The following DNAH7 variants were observed in gnomAD, a reference collection of about 807,000 sequenced individuals.
The protein encoded by DNAH7 is axonemal beta dynein heavy chain 7.
In DNAH7, 397 loss-of-function variants were observed where a neutral mutation model predicts 444.6. That is an observed-to-expected ratio of 0.89 (90% CI 0.82 to 0.97). DNAH7 has a LOEUF of 0.97. DNAH7 is among the 50% of genes least tolerant of loss of function. DNAH7 has a pLI of 0.00. For synonymous variants in DNAH7, 1,636 were observed against 1,624.4 expected (o/e 1.01, Z -0.17); for missense variants, 4,902 against 4,800.8 (o/e 1.02, Z -0.62).
Position 195,809,876 on chromosome 2 carries a change from G to T in DNAH7, c.9762-5C>A. The T allele has an allele frequency of 6.5e-7, 1 of 1,529,744 alleles. No individual in the cohort carries two copies. The highest frequency in any genetic ancestry group is 1.3e-5 in the South Asian group (1 of 75,458). The allele number at this position is 1,529,744 out of a possible 1,614,324, so 94.8% of individuals were successfully genotyped here. A position where few individuals can be genotyped will look rare whatever the true frequency, so the allele number is the denominator to read the frequency against. Reference sequence around the variant, plus strand: ...TGATCCTTGAGAATCTGAAGCCTAAGGGTCAACAGAAAATAAAGGAAATAA... The same window carrying T: ...TGATCCTTGAGAATCTGAAGCCTAATGGTCAACAGAAAATAAAGGAAATAA... On this transcript the variant is annotated splice_region_variant and splice_polypyrimidine_tract_variant and intron_variant, in intron 51 of 64. Coordinates refer to ENST00000312428, the MANE Select transcript of DNAH7 (RefSeq NM_018897.3).
intron 17 of DNAH7, among the ~76,000 whole-genome samples, chr2:195,968,373 G>A (rs1691622041): frequency 6.6e-6 from 1 of 152,166 alleles, no homozygotes; most frequent in Admixed American, 6.5e-5. Context: ...CTTCAAGGCA[G>A]TGGGTTCTCT....
In DNAH7 at chr2:195,960,418, C is replaced by A; in HGVS notation, c.2733G>T (p.Glu911Asp). 6.2e-7 allele frequency: 1 copy of A among 1,614,194 alleles called. No individual in the cohort carries two copies. Among genetic ancestry groups the A allele is most frequent in the Non-Finnish European group, 8.5e-7 (1 of 1,180,030 alleles). The change falls in exon 18 of 65, where the codon GAG becomes GAT. Residue 911 changes from glutamate (E) to aspartate (D), a missense_variant. Coordinates refer to ENST00000312428, the MANE Select transcript of DNAH7 (RefSeq NM_018897.3). ...GGATGACAAATTCCACTGCATCCCA[C>A]TCAGTAATCATCTTCTCCATCGCCT... ...LEKAMEKMIT[E>D]WDAVEFVIHS... is the part of the protein sequence containing the mutation.
chr2:195,811,100 T>A (rs1696948791), intron 51 of DNAH7, among the ~76,000 whole-genome samples: 1 of 152,188 alleles, frequency 6.6e-6, no homozygotes, highest in African/African-American at 2.4e-5. Flanking sequence ...CCTTTTAAGG[T>A]GAAAAAGAAG....
chr2:196,068,596 ACAGCTGG>A lies in DNAH7; in HGVS notation c.15+94_15+100del. 4.1e-6 allele frequency: 6 copies of A among 1,478,012 alleles called. No individual in the cohort carries two copies. In the South Asian group the frequency reaches 7.7e-5, roughly 19 times the overall value. 91.6% of individuals were successfully genotyped at this position (1,478,012 alleles called of 1,614,324 possible). On this transcript the variant is annotated intron_variant, in intron 1 of 64. Transcript: ENST00000312428. ...GAAGGAAGCTGTACACCGCGGAGTCACAGCTGGGGAGTTCGCTAGGCAGGAGGGGCTT... is the reference window on the plus strand; with the variant it reads ...GAAGGAAGCTGTACACCGCGGAGTCAGGAGTTCGCTAGGCAGGAGGGGCTT...
chr2:195,894,279 G>A (rs1218611239), intron 30 of DNAH7: 1 of 151,928 alleles, frequency 6.6e-6, no homozygotes, highest in African/African-American at 2.4e-5. Context: ...AGAAAGTAGG[G>A]GTAGCAATAT....
intron 21 of DNAH7, among the ~76,000 whole-genome samples, 160 bp from the exon 22 acceptor site, chr2:195,926,726 A>G (rs1688359914): frequency 6.6e-6 from 1 of 152,198 alleles, no homozygotes; most frequent in Non-Finnish European, 1.5e-5. Context: ...AACTAATTAT[A>G]TTCAAGTTTA....
At chr2:195,927,918 T>C (rs760185725) in intron 21 of DNAH7, among the ~76,000 whole-genome samples, 17 of 150,624 alleles carry the variant, frequency 1.1e-4, no homozygotes, top group South Asian at 2.1e-4. Flanking sequence ...AAGATACTTA[T>C]TTTCTACATC....
intron 51 of DNAH7, among the ~76,000 whole-genome samples, chr2:195,815,296 C>A (rs1697169409): frequency 1.3e-5 from 2 of 151,386 alleles, no homozygotes; most frequent in Non-Finnish European, 1.5e-5. Context: ...GCATTTCTTC[C>A]AAAAAAAATT....
At chr2:196,004,664 G>A (rs1188759091) in intron 10 of DNAH7, among the ~76,000 whole-genome samples, 1 of 152,050 alleles carries the variant, frequency 6.6e-6, no homozygotes, top group Non-Finnish European at 1.5e-5. Context: ...AAACAAGGGA[G>A]GGCTGGGCAT....
Position 195,906,695 on chromosome 2 carries a change from C to T in DNAH7, c.4299G>A (p.Gly1433=). The T allele has an allele frequency of 1.2e-6, 2 of 1,613,266 alleles. No individual in the cohort carries two copies. Among genetic ancestry groups the T allele is most frequent in the Non-Finnish European group, 1.7e-6 (2 of 1,179,504 alleles). ...CTGGCAGTTCTGATCGCCCAGCATA[C>T]CCAGGGTTCATTGTTATAAAGACAG... ...TCAVFITMNP[G]YAGRSELPDN... is the part of the protein sequence containing the mutation. Residue 1433 remains glycine, a synonymous_variant, in exon 27 of 65, where the codon GGG becomes GGA. Coordinates refer to ENST00000312428, the MANE Select transcript of DNAH7 (RefSeq NM_018897.3).
At chr2:195,895,503 G>A (rs535028291) in intron 29 of DNAH7, among the ~76,000 whole-genome samples, 40 of 152,230 alleles carry the variant, frequency 2.6e-4, no homozygotes, top group African/African-American at 8.4e-4. Context: ...GCAGTGGCAC[G>A]ATCATGGCTC....
At chr2:195,947,813 A>G (rs1355157472) in intron 19 of DNAH7, among the ~76,000 whole-genome samples, 1 of 152,136 alleles carries the variant, frequency 6.6e-6, no homozygotes, top group Admixed American at 6.5e-5. Context: ...ATACCCAGTA[A>G]TGGGATTGCT....
chr2:195,950,867 A>AC (rs1559262870), intron 19 of DNAH7, among the ~76,000 whole-genome samples: 22 of 149,198 alleles, frequency 1.5e-4, no homozygotes, highest in Admixed American at 5.3e-4. Flanking sequence ...AAAAAAAAAA[A>AC]AAAAAAAAAA....
chr2:195,873,561 T>C lies in DNAH7; in HGVS notation c.6413+7A>G. 7.5e-7 allele frequency: 1 copy of C among 1,324,868 alleles called. No homozygotes were observed. The highest frequency in any genetic ancestry group is 9.9e-7 in the Non-Finnish European group (1 of 1,005,510). The allele number at this position is 1,324,868 out of a possible 1,614,324, so 82.1% of individuals were successfully genotyped here. On this transcript the variant is annotated splice_region_variant and intron_variant, in intron 39 of 64. Transcript: ENST00000312428. ...AATTAAAAAAAAAACAAATTTTGAT[T>C]ACTTACCAGATTTCTAAATGCCAAG...
chr2:195,837,658 C>CTT (rs72246880), intron 47 of DNAH7, among the ~76,000 whole-genome samples: 5 of 151,190 alleles, frequency 3.3e-5, no homozygotes, highest in African/African-American at 1.2e-4. Context: ...TCATGTTTTG[C>CTT]TTTTTTTTTA....
chr2:195,989,481 T>C (rs1166662960), intron 12 of DNAH7, among the ~76,000 whole-genome samples: 3 of 152,216 alleles, frequency 2.0e-5, no homozygotes, highest in African/African-American at 7.2e-5. Flanking sequence ...CATCTATTTG[T>C]ATATCTTCTT....
chr2:195,782,812 T>C (rs1390425232), intron 58 of DNAH7, among the ~76,000 whole-genome samples: 2 of 152,204 alleles, frequency 1.3e-5, no homozygotes, highest in African/African-American at 4.8e-5. Flanking sequence ...CTGCCCTCCA[T>C]GTCTTCTGTT....
At chr2:195,910,905 T>C (rs1277613931) in intron 24 of DNAH7, among the ~76,000 whole-genome samples, 1 of 152,050 alleles carries the variant, frequency 6.6e-6, no homozygotes, top group Non-Finnish European at 1.5e-5. Context: ...GAAAAAGAGG[T>C]CCAAATTTCT....
chr2:195,796,686 G>A lies in DNAH7; in HGVS notation c.10405C>T (p.Pro3469Ser), dbSNP rs762527506. ...SSLSLGQGQG[P>S]IAMKMLEKAV... ...TTTTCTAACATCTTCATAGCAATGGGCCCTTGGCCTTGACCAAGAGATAAA... is the reference window on the plus strand; with the variant it reads ...TTTTCTAACATCTTCATAGCAATGGACCCTTGGCCTTGACCAAGAGATAAA... The change falls in exon 56 of 65, where the codon CCC (proline) becomes TCC (serine). Residue 3469 changes from proline (P) to serine (S), a missense_variant. Coordinates refer to ENST00000312428, the MANE Select transcript of DNAH7 (RefSeq NM_018897.3). 1 of 1,614,142 alleles carries A rather than the reference G, an allele frequency of 6.2e-7. No individual in the cohort carries two copies. The highest frequency in any genetic ancestry group is 1.1e-5 in the South Asian group (1 of 91,076).
Sources: allele counts gnomAD v4.1 joint callset (sites outside exome capture counted in the v4.1 genomes callset), GRCh38; gene constraint gnomAD v4.1.1; transcripts MANE v1.5; gene names NCBI Gene and HGNC (gene_info 2026-07-23, HGNC 2026-07-21).